The following SIPA1L1 variants were observed in gnomAD, a reference collection of about 807,000 sequenced individuals.
SIPA1L1 encodes the protein signal-induced proliferation-associated 1-like protein 1.
In SIPA1L1, 26 loss-of-function variants were observed where a neutral mutation model predicts 162.7. That is an observed-to-expected ratio of 0.16 (90% CI 0.12 to 0.22). SIPA1L1 has a LOEUF of 0.22. Ranked by LOEUF, SIPA1L1 falls within the 10% of genes least tolerant of loss-of-function variation. SIPA1L1 has a pLI of 1.00. For missense variants in SIPA1L1, 1,874 were observed against 2,241.0 expected (o/e 0.84, Z 3.31); for synonymous variants, 829 against 837.4 (o/e 0.99, Z 0.17).
intron 17 of SIPA1L1, among the ~76,000 whole-genome samples, chr14:71,711,658 A>T (rs139654539): frequency 6.6e-6 from 1 of 152,326 alleles, no homozygotes; most frequent in East Asian, 1.9e-4. Flanking sequence ...GCCATTATCT[A>T]ACAAATCCCA....
chr14:71,727,720 C>T (rs1250954930), intron 19 of SIPA1L1, among the ~76,000 whole-genome samples: 1 of 152,380 alleles, frequency 6.6e-6, no homozygotes, highest in East Asian at 1.9e-4. Context: ...CCAGGCAGCG[C>T]TCCTGGGCAA....
At chr14:71,346,227 T>C (rs1050260677) in intron 2 of SIPA1L1, among the ~76,000 whole-genome samples, 1 of 152,210 alleles carries the variant, frequency 6.6e-6, no homozygotes, top group African/African-American at 2.4e-5. Context: ...ATTTTTAACC[T>C]GACACAGAGA....
In SIPA1L1 at chr14:71,502,709, A is replaced by G. The variant is rs527734873; in HGVS notation, c.-464-10034A>G. Among the ~76,000 whole-genome samples the G allele has an allele frequency of 2.8e-4, 42 of 152,264 alleles. 1 individual carries two copies. Among genetic ancestry groups the G allele is most frequent in the Non-Finnish European group, 5.3e-4 (36 of 68,020 alleles). On this transcript the variant is annotated intron_variant, in intron 2 of 23. Coordinates refer to ENST00000381232, the MANE Select transcript of SIPA1L1 (RefSeq NM_001386936.1). The stretch of plus-strand genomic sequence containing the variant: ...ATTTAATCCAGAGAGACTATTTTTC[A>G]CCTACATTAGTGCAAATGTAGTTAT...
At position 71,735,309 on chromosome 14, in the gene SIPA1L1, G is replaced by A. The variant is rs1437035725; in HGVS notation, c.5041G>A (p.Glu1681Lys). 6.2e-7 allele frequency: 1 copy of A among 1,614,182 alleles called. No homozygotes were observed. The highest frequency in any genetic ancestry group is 1.7e-5 in the Admixed American group (1 of 60,028). ...QRASFFAASD[E>K]NHRPLSAASN... The stretch of plus-strand genomic sequence containing the variant: ...AGCCTCATTTTTTGCTGCTAGTGAT[G>A]AAAACCATCGCCCCTTGAGTGCTGC... Residue 1681 changes from glutamate (E) to lysine (K), a missense_variant, in exon 22 of 24, where the codon GAA becomes AAA. By Grantham distance (56) the Glu-to-Lys change is moderately conservative (BLOSUM62 1). Around this residue, in one of 5 missense-constraint regions of SIPA1L1, gnomAD observed 936 missense variants for 1,051.9 expected, o/e 0.89. Coordinates refer to ENST00000381232, the MANE Select transcript of SIPA1L1 (RefSeq NM_001386936.1).
chr14:71,457,439 C>T (rs968882748), intron 2 of SIPA1L1, among the ~76,000 whole-genome samples: 2 of 151,504 alleles, frequency 1.3e-5, no homozygotes, highest in Non-Finnish European at 2.9e-5. Context: ...GCTGTGGCTA[C>T]AGGCACATGT....
At chr14:71,585,604 T>C (rs1385732526) in intron 4 of SIPA1L1, among the ~76,000 whole-genome samples, 1 of 152,216 alleles carries the variant, frequency 6.6e-6, no homozygotes, top group African/African-American at 2.4e-5. Flanking sequence ...TGCAGTAAAG[T>C]ATTTTCTAAG....
At chr14:71,650,228 G>A (rs1211634788) in intron 7 of SIPA1L1, 107 bp from the exon 8 acceptor site, 1 of 1,072,170 alleles carries the variant, frequency 9.3e-7, no homozygotes, top group Non-Finnish European at 1.4e-6. Flanking sequence ...AGAGAAGAAA[G>A]GTGTTAGCTA....
At chr14:71,461,474 T>C (rs1028423992) in intron 2 of SIPA1L1, among the ~76,000 whole-genome samples, 4 of 152,154 alleles carry the variant, frequency 2.6e-5, no homozygotes, top group African/African-American at 9.7e-5. Flanking sequence ...CACTTGATTA[T>C]TAAAATCCTC....
intron 5 of SIPA1L1, among the ~76,000 whole-genome samples, chr14:71,595,477 T>C (rs986066916): frequency 2.6e-5 from 4 of 152,256 alleles, no homozygotes; most frequent in African/African-American, 9.6e-5. Flanking sequence ...TATACAGCTT[T>C]GATTATTAAC....
intron 2 of SIPA1L1, among the ~76,000 whole-genome samples, chr14:71,417,465 GTC>G (rs2042861952): frequency 5.0e-4 from 7 of 14,122 alleles, no homozygotes; most frequent in African/African-American, 7.8e-4. Context: ...GCGAGACTCC[GTC>G]TCAAAAAAAA....
chr14:71,361,609 C>CT (rs1039888275), intron 2 of SIPA1L1, among the ~76,000 whole-genome samples: 2 of 152,092 alleles, frequency 1.3e-5, no homozygotes, highest in African/African-American at 4.8e-5. Flanking sequence ...TATCAAGGGC[C>CT]TTTTTCTACT....
chr14:71,529,282 A>G, intron 3 of SIPA1L1, 30 bp from the exon 4 acceptor site: 1 of 606,390 alleles, frequency 1.6e-6, no homozygotes, highest in Non-Finnish European at 3.0e-6. Context: ...TTGTGCACTT[A>G]ACCAGGTTTT....
intron 5 of SIPA1L1, among the ~76,000 whole-genome samples, chr14:71,594,249 C>G (rs1320223270): frequency 6.6e-6 from 1 of 152,168 alleles, no homozygotes; most frequent in Non-Finnish European, 1.5e-5. Context: ...CTTTAGCACT[C>G]TCATATACTC....
At chr14:71,610,256 G>C in intron 5 of SIPA1L1, among the ~76,000 whole-genome samples, 1 of 152,100 alleles carries the variant, frequency 6.6e-6, no homozygotes, top group Non-Finnish European at 1.5e-5. Flanking sequence ...TTTCAGTCAA[G>C]TTTATAGACC....
At chr14:71,552,684 C>T (rs2146297361) in intron 4 of SIPA1L1, among the ~76,000 whole-genome samples, 1 of 152,184 alleles carries the variant, frequency 6.6e-6, no homozygotes, top group East Asian at 1.9e-4. Context: ...TTCTTTTAAG[C>T]TGGTAATTTA....
intron 12 of SIPA1L1, among the ~76,000 whole-genome samples, chr14:71,676,636 C>A (rs2045227059): frequency 8.4e-6 from 1 of 118,758 alleles, no homozygotes; most frequent in South Asian, 3.3e-4. Flanking sequence ...TCCCCCCACC[C>A]CATGACAGGC....
intron 9 of SIPA1L1, 119 bp from the exon 10 acceptor site, chr14:71,661,188 TTAC>T: frequency 1.5e-5 from 14 of 953,844 alleles, no homozygotes; most frequent in Middle Eastern, 2.3e-4. Context: ...CCTGTGTAGA[TTAC>T]CTACCTTCAT....
intron 2 of SIPA1L1, among the ~76,000 whole-genome samples, chr14:71,443,992 A>G (rs1443275974): frequency 1.3e-5 from 2 of 152,202 alleles, no homozygotes; most frequent in Non-Finnish European, 2.9e-5. Context: ...TTGGACCCAT[A>G]GGAGATAAAT....
intron 2 of SIPA1L1, among the ~76,000 whole-genome samples, chr14:71,477,211 A>C (rs1441152251): frequency 6.6e-6 from 1 of 152,114 alleles, no homozygotes; most frequent in East Asian, 1.9e-4. Context: ...CAGTGAGCTG[A>C]GATGGTGCTA....
Sources: gnomAD v4.1 joint callset for allele counts (sites outside exome capture counted in the v4.1 genomes callset) on GRCh38, gnomAD v4.1.1 for gene constraint, gnomAD v4.1.1 regional missense constraint, MANE v1.5 for transcripts, NCBI Gene and HGNC (gene_info 2026-07-23, HGNC 2026-07-21) for gene names.